Variants in MTERF4 observed in about 807,000 individuals in gnomAD.
The protein encoded by MTERF4 is mitochondrial transcription termination factor 4.
Under a neutral mutation model 22.5 loss-of-function variants are expected in MTERF4, and 17 were observed. That is an observed-to-expected ratio of 0.75 (90% CI 0.52 to 1.13). The LOEUF (loss-of-function observed/expected upper bound fraction) is 1.13, where lower values mean the gene tolerates loss of function less well. Ranked by LOEUF, MTERF4 falls within the 50% of genes most tolerant of loss-of-function variation. MTERF4 has a pLI of 0.00. For missense variants in MTERF4, 420 were observed against 466.8 expected, an observed-to-expected ratio of 0.90 and a Z score of 0.92; for synonymous variants, 165 against 175.3, an observed-to-expected ratio of 0.94 and a Z score of 0.47.
At chr2:241,062,889 G>A in the MTERF4 span, 40,886 of 1,601,724 alleles carry the variant, frequency 0.026, 2,268 homozygotes, top group East Asian at 0.2. Flanking sequence ...CTATGAGGGC[G>A]CCCACTGTGA....
downstream of MTERF4, chr2:241,088,306 G>A (rs980182709): frequency 8.0e-7 from 1 of 1,250,418 alleles, no homozygotes; most frequent in East Asian, 2.3e-5. Context: ...TGAGGTAGCT[G>A]TAGAATTCAA....
the MTERF4 span, among the ~76,000 whole-genome samples, chr2:241,043,627 C>T: frequency 6.6e-6 from 1 of 151,918 alleles, no homozygotes; most frequent in Non-Finnish European, 1.5e-5. Flanking sequence ...CTTTTTAATC[C>T]CTTTAAAGAA....
chr2:241,065,440 A>G, the MTERF4 span: 1 of 1,612,708 alleles, frequency 6.2e-7, no homozygotes, highest in Non-Finnish European at 8.5e-7. Context: ...GACGGCTCCT[A>G]CCGCCGCACA....
chr2:241,078,770 T>C (rs1333547567), intron 4 of MTERF4, among the ~76,000 whole-genome samples: 1 of 151,802 alleles, frequency 6.6e-6, no homozygotes, highest in Non-Finnish European at 1.5e-5. Context: ...TTGTACACTT[T>C]GGGTGAATTT....
chr2:241,051,634 G>A, the MTERF4 span: 12 of 875,026 alleles, frequency 1.4e-5, no homozygotes, highest in South Asian at 2.1e-5. The surrounding 1 kb of genome is among the most constrained non-coding windows in gnomAD (Gnocchi z 4.7). Context: ...GGGCTTCGTC[G>A]AGAAGGCCCC....
downstream of MTERF4, chr2:241,069,975 C>T (rs755878542): frequency 1.6e-5 from 26 of 1,612,904 alleles, no homozygotes; most frequent in South Asian, 2.1e-4. The surrounding 1 kb of genome is among the most constrained non-coding windows in gnomAD (Gnocchi z 4.9). Context: ...CCTCTGCCCA[C>T]GTGGTCTGGG....
downstream of MTERF4, among the ~76,000 whole-genome samples, chr2:241,070,360 G>C (rs1277625602): frequency 1.3e-5 from 2 of 152,214 alleles, no homozygotes; most frequent in Non-Finnish European, 2.9e-5. Context: ...GAAAGTGGAG[G>C]CTTTTCAAAC....
downstream of MTERF4, chr2:241,069,042 C>A: frequency 6.7e-7 from 1 of 1,500,070 alleles, no homozygotes; most frequent in Non-Finnish European, 9.0e-7. The surrounding 1 kb of genome is among the most constrained non-coding windows in gnomAD (Gnocchi z 4.9). Context: ...AGCAGCGCGG[C>A]CCCCGGCACA....
Position 241,102,250 on chromosome 2 carries a change from T to C in MTERF4, c.21+3A>G, listed in dbSNP as rs746854545. On this transcript the variant is annotated splice_donor_region_variant and intron_variant, in intron 1 of 3. Coordinates refer to ENST00000391980, the MANE Select transcript of MTERF4 (RefSeq NM_182501.4). The stretch of plus-strand genomic sequence containing the variant: ...GAAGCCCGCGCGCCCAGCTCGAGCT[T>C]ACCTGACGGCCGAACGCAGCCATAG... The C allele has an allele frequency of 3.2e-6, 5 of 1,549,372 alleles. No homozygotes were observed. Among genetic ancestry groups the C allele is most frequent in the Non-Finnish European group, 4.4e-6 (5 of 1,146,120 alleles).
downstream of MTERF4, chr2:241,071,396 A>G (rs984581810): frequency 6.0e-6 from 4 of 671,418 alleles, no homozygotes; most frequent in Admixed American, 2.6e-5. Flanking sequence ...GGTGGGCTGG[A>G]AGGGAACCCA....
rs555030339 is a variant in MTERF4 at position 241,080,657 on chromosome 2, T to A, written n.480-4975A>T. Among the ~76,000 whole-genome samples, 4 of 152,348 alleles carry A rather than the reference T, an allele frequency of 2.6e-5. No individual in the cohort carries two copies. The East Asian group carries it at 7.7e-4, about 29-fold the overall frequency. Reference sequence around the variant, plus strand: ...CCCGCTGTCCAAAGACAGAATAAATTGAGCATCAGGAAAACAACTGACAGC... The same window carrying A: ...CCCGCTGTCCAAAGACAGAATAAATAGAGCATCAGGAAAACAACTGACAGC... On this transcript the variant is annotated intron_variant and non_coding_transcript_variant, in intron 4 of 4. Transcript: ENST00000464344.
At chr2:241,045,350 A>G in the MTERF4 span, among the ~76,000 whole-genome samples, 8 of 152,158 alleles carry the variant, frequency 5.3e-5, no homozygotes, top group African/African-American at 1.9e-4. Flanking sequence ...AACCAAAACA[A>G]TTTTGATGAA....
chr2:241,083,382 G>A (rs560863847), downstream of MTERF4, among the ~76,000 whole-genome samples: 12 of 110,596 alleles, frequency 1.1e-4, no homozygotes, highest in African/African-American at 4.3e-4. Flanking sequence ...GTGTTTGTCC[G>A]GCATGAAATG....
chr2:241,082,189 G>C (rs1292534876), downstream of MTERF4: 2 of 1,048,360 alleles, frequency 1.9e-6, no homozygotes, highest in Admixed American at 2.0e-5. Context: ...AAGGACCCCC[G>C]GGCCCTCTCC....
chr2:241,048,365 G>A, the MTERF4 span: 6 of 1,611,536 alleles, frequency 3.7e-6, no homozygotes, highest in Non-Finnish European at 5.1e-6. Flanking sequence ...CCACAATGGG[G>A]GCACCTGTGT....
chr2:241,101,677 C>G (rs1383965068), intron 1 of MTERF4, among the ~76,000 whole-genome samples: 1 of 152,210 alleles, frequency 6.6e-6, no homozygotes, highest in Non-Finnish European at 1.5e-5. Flanking sequence ...TGGGCTCAAG[C>G]CTAAAGACCT....
downstream of MTERF4, among the ~76,000 whole-genome samples, chr2:241,084,134 ATT>A (rs368364855): frequency 1.9e-4 from 24 of 123,254 alleles, no homozygotes; most frequent in Admixed American, 4.1e-4. Flanking sequence ...AGCGTCTAGG[ATT>A]TTTTTTTTTT....
At chr2:241,051,809 G>A in the MTERF4 span, 37 of 1,562,350 alleles carry the variant, frequency 2.4e-5, no homozygotes, top group East Asian at 4.7e-5. This position sits in a 1 kb window ranked among gnomAD's most constrained non-coding sequence, Gnocchi z 4.7. Context: ...GGCGGGCGGC[G>A]AGTACCACTG....
chr2:241,065,060 C>A, the MTERF4 span: 1 of 954,150 alleles, frequency 1.0e-6, no homozygotes, highest in Non-Finnish European at 1.5e-6. Flanking sequence ...GCTGCTTGCC[C>A]AGGCCCCTTC....
Sources: allele counts gnomAD v4.1 joint callset (sites outside exome capture counted in the v4.1 genomes callset), GRCh38; gene constraint gnomAD v4.1.1; non-coding constraint Gnocchi (gnomAD v3.1); transcripts MANE v1.5; gene names NCBI Gene and HGNC (gene_info 2026-07-23, HGNC 2026-07-21).